ST18: variants seen among roughly 807,000 people sequenced by gnomAD.
The protein encoded by ST18 is ST18 C2H2C-type zinc finger transcription factor.
In ST18, 50 loss-of-function variants were observed where a neutral mutation model predicts 110.0. That is an observed-to-expected ratio of 0.45 (90% CI 0.36 to 0.58). The LOEUF (loss-of-function observed/expected upper bound fraction) is 0.58. Among genes scored for constraint, ST18 ranks in the 20% least tolerant of loss-of-function variants. The pLI is 0.00. For missense variants in ST18, 1,306 were observed against 1,280.1 expected (o/e 1.02, Z -0.31); for synonymous variants, 461 against 452.4 (o/e 1.02, Z -0.24).
chr8:52,306,015 C>G (rs1012447238), intron 2 of ST18, among the ~76,000 whole-genome samples: 4 of 152,226 alleles, frequency 2.6e-5, no homozygotes, highest in African/African-American at 7.2e-5. Context: ...CCCAGTGGCT[C>G]TCTGTGGCCT....
chr8:52,321,093 C>T (rs563163067), intron 2 of ST18, among the ~76,000 whole-genome samples: 1 of 152,268 alleles, frequency 6.6e-6, no homozygotes, highest in African/African-American at 2.4e-5. Flanking sequence ...ACCAAAGTCA[C>T]AGATTTTCAG....
In ST18 at chr8:52,123,877, C is replaced by T. The variant is rs150999348; in HGVS notation, c.2755+2175G>A. The stretch of plus-strand genomic sequence containing the variant: ...CTGTATTTATCTTTCTTAGGAGTGG[C>T]CTTGTAATTTATATTCTGTTTACAG... On this transcript the variant is annotated intron_variant, in intron 23 of 25. Transcript: ENST00000689386. Among the ~76,000 whole-genome samples, 167 of 152,166 alleles carry T rather than the reference C, an allele frequency of 1.1e-3. 1 individual carries two copies. Among genetic ancestry groups the T allele is most frequent in the African/African-American group, 3.8e-3 (159 of 41,514 alleles).
intron 8 of ST18, among the ~76,000 whole-genome samples, chr8:52,210,431 G>C (rs1448224127): frequency 1.3e-5 from 2 of 152,068 alleles, no homozygotes; most frequent in African/African-American, 4.8e-5. Context: ...GCCGAGGTGG[G>C]AGAAACACTT....
At chr8:52,134,208 C>G (rs1474019349) in intron 19 of ST18, among the ~76,000 whole-genome samples, 1 of 152,146 alleles carries the variant, frequency 6.6e-6, no homozygotes, top group African/African-American at 2.4e-5. Context: ...TGGCCCAAGT[C>G]AAACAGTCTT....
At chr8:52,277,745 G>T (rs1365608934) in intron 2 of ST18, among the ~76,000 whole-genome samples, 1 of 152,124 alleles carries the variant, frequency 6.6e-6, no homozygotes, top group Non-Finnish European at 1.5e-5. Flanking sequence ...AGCATTTTAG[G>T]TCATCTCTTA....
At chr8:52,343,232 A>T (rs1039148012) in intron 2 of ST18, among the ~76,000 whole-genome samples, 2 of 152,130 alleles carry the variant, frequency 1.3e-5, no homozygotes, top group African/African-American at 4.8e-5. Context: ...ATGGAAATAA[A>T]CCAGGCCGTT....
rs148125359 is a variant in ST18 at position 52,370,389 on chromosome 8, CGT to C, written c.-465+38937_-465+38938del. ...GTGTGTGTGCATGCATGCATGTGTG[CGT>C]GTGTGTGTGCATGCGTGTGACTGTG... On this transcript the variant is annotated intron_variant, in intron 2 of 25. Transcript: ENST00000689386. Among the ~76,000 whole-genome samples, 1,065 of 149,428 alleles carry C rather than the reference CGT, an allele frequency of 7.1e-3. 12 individuals are homozygous for C. The highest frequency in any genetic ancestry group is 0.025 in the African/African-American group (1,005 of 39,556).
rs1269234098 is a variant in ST18 at position 52,149,873 on chromosome 8, A to C, written c.1911T>G (p.Ile637Met). The change falls in exon 16 of 26, where the codon ATT becomes ATG. Residue 637 changes from isoleucine (I) to methionine (M), a missense_variant. By Grantham distance (10) the Ile-to-Met change is conservative (BLOSUM62 1). Coordinates refer to ENST00000689386, the MANE Select transcript of ST18 (RefSeq NM_001352837.2). ...SAPLTSSNTS[I>M]PTPSSSPFKT... ...TGAATGGGGAAGAGGAAGGAGTTGG[A>C]ATAGAAGTGTTAGAGGAAGTTAGGG... The C allele has an allele frequency of 6.2e-7, 1 of 1,614,044 alleles. No homozygotes were observed. The highest frequency in any genetic ancestry group is 8.5e-7 in the Non-Finnish European group (1 of 1,180,038).
At chr8:52,393,761 T>C (rs1393353049) in intron 2 of ST18, 1 of 151,588 alleles carries the variant, frequency 6.6e-6, no homozygotes, top group Non-Finnish European at 1.5e-5. Flanking sequence ...CAGACACTTG[T>C]AATCCCAGCC....
chr8:52,191,002 AAT>A (rs1344300239), intron 8 of ST18, among the ~76,000 whole-genome samples: 1 of 152,186 alleles, frequency 6.6e-6, no homozygotes, highest in East Asian at 1.9e-4. Context: ...AAGGAAGCAT[AAT>A]ATCATATTGG....
intron 16 of ST18, among the ~76,000 whole-genome samples, chr8:52,145,987 C>A (rs1415726891): frequency 6.6e-6 from 1 of 152,110 alleles, no homozygotes; most frequent in Non-Finnish European, 1.5e-5. Flanking sequence ...ACAATATTTT[C>A]TGAAAATTAC....
At chr8:52,197,481 AC>A (rs1470361802) in intron 8 of ST18, among the ~76,000 whole-genome samples, 1 of 152,052 alleles carries the variant, frequency 6.6e-6, no homozygotes, top group African/African-American at 2.4e-5. Context: ...TGGGTCAGTC[AC>A]CCCCAGAAGC....
At chr8:52,367,031 G>C (rs764220936) in intron 2 of ST18, among the ~76,000 whole-genome samples, 2 of 152,202 alleles carry the variant, frequency 1.3e-5, no homozygotes, top group African/African-American at 2.4e-5. Context: ...CCAGGAGTTT[G>C]AGACTAGCCT....
chr8:52,145,729 C>T (rs970839165), intron 16 of ST18, among the ~76,000 whole-genome samples: 6 of 152,186 alleles, frequency 3.9e-5, no homozygotes, highest in South Asian at 2.1e-4. Context: ...ATTCCTTTAA[C>T]GTACAGATGG....
intron 2 of ST18, among the ~76,000 whole-genome samples, chr8:52,288,101 C>T (rs2095497722): frequency 6.6e-6 from 1 of 152,186 alleles, no homozygotes; most frequent in South Asian, 2.1e-4. Context: ...AGCTAAATGC[C>T]TACTTCATCA....
intron 2 of ST18, among the ~76,000 whole-genome samples, chr8:52,302,422 G>T (rs940003801): frequency 6.6e-6 from 1 of 152,168 alleles, no homozygotes; most frequent in Admixed American, 6.5e-5. Flanking sequence ...CTGTATTTAT[G>T]TGTGTATGTT....
chr8:52,123,368 G>T (rs1473701313), intron 23 of ST18, among the ~76,000 whole-genome samples: 3 of 152,176 alleles, frequency 2.0e-5, no homozygotes, highest in Admixed American at 6.5e-5. Flanking sequence ...ATGTCTGAAG[G>T]TGTGTTGGTT....
intron 13 of ST18, 60 bp from the exon 14 acceptor site, chr8:52,161,628 A>T (rs944453253): frequency 3.6e-5 from 57 of 1,571,640 alleles, no homozygotes; most frequent in Admixed American, 1.2e-4. Flanking sequence ...TGAGCACATT[A>T]GTGTCAGAAT....
chr8:52,228,593 C>A (rs1032432522), intron 3 of ST18, among the ~76,000 whole-genome samples: 4 of 152,126 alleles, frequency 2.6e-5, no homozygotes. Flanking sequence ...ATACACCTCA[C>A]CTTTGCCAAA....
Sources: gnomAD v4.1 joint callset for allele counts (sites outside exome capture counted in the v4.1 genomes callset) on GRCh38, gnomAD v4.1.1 for gene constraint, MANE v1.5 for transcripts, NCBI Gene and HGNC (gene_info 2026-07-23, HGNC 2026-07-21) for gene names.